PCDHGA12: variants seen among roughly 807,000 people sequenced by gnomAD.
PCDHGA12 encodes the protein protocadherin gamma subfamily A, 12.
In PCDHGA12, 43 loss-of-function variants were observed where a neutral mutation model predicts 61.1. The ratio of observed to expected loss-of-function variants is 0.70; its 90% CI spans 0.55 to 0.91. PCDHGA12 has a LOEUF of 0.91. PCDHGA12 is among the 40% of genes least tolerant of loss of function. PCDHGA12 has a pLI of 0.00. For missense variants in PCDHGA12, 1,236 were observed against 1,227.7 expected (o/e 1.01, Z -0.10); for synonymous variants, 520 against 542.9 (o/e 0.96, Z 0.59).
chr5:141,454,898 C>T (rs1426884791), intron 1 of PCDHGA12, among the ~76,000 whole-genome samples: 1 of 147,834 alleles, frequency 6.8e-6, no homozygotes, highest in Non-Finnish European at 1.5e-5. Flanking sequence ...AGCACCGCCT[C>T]CCGGGTTCAC....
At chr5:141,470,602 G>A (rs1004044883) in intron 1 of PCDHGA12, among the ~76,000 whole-genome samples, 1 of 152,268 alleles carries the variant, frequency 6.6e-6, no homozygotes, top group South Asian at 2.1e-4. Flanking sequence ...ACCTGTGCGG[G>A]GACACAGGGC....
intron 3 of PCDHGA12, chr5:141,507,089 C>T (rs564539147): frequency 2.0e-5 from 3 of 152,298 alleles, no homozygotes; most frequent in Admixed American, 1.3e-4. Context: ...TAAGTTTATG[C>T]TCTTTCTACT....
intron 2 of PCDHGA12, among the ~76,000 whole-genome samples, chr5:141,499,234 A>G (rs1294400331): frequency 6.6e-6 from 1 of 152,008 alleles, no homozygotes; most frequent in Non-Finnish European, 1.5e-5. Flanking sequence ...AGCTGTCCCC[A>G]GCCTCTGCAC....
chr5:141,467,710 G>A (rs1284029664), intron 1 of PCDHGA12, among the ~76,000 whole-genome samples: 1 of 152,122 alleles, frequency 6.6e-6, no homozygotes, highest in Non-Finnish European at 1.5e-5. Context: ...TGCCCAGGCT[G>A]GAGTGTAGTG....
rs1196201183 is a variant in PCDHGA12, at chr5:141,490,944, G to A, written c.2425-3863G>A. ...ATGCCCCAGCTGTGCTGCACCCACG[G>A]CCAGACTGGGAACACTCAGCCCCCC... On this transcript the variant is annotated intron_variant, in intron 1 of 3. Transcript: ENST00000252085. This position sits in a 1 kb window ranked among gnomAD's most constrained non-coding sequence, Gnocchi z 5.4. 6.2e-7 allele frequency: 1 copy of A among 1,613,488 alleles called. No individual in the cohort carries two copies. The highest frequency in any genetic ancestry group is 1.3e-5 in the African/African-American group (1 of 74,906).
At chr5:141,467,767 C>T (rs72790060) in intron 1 of PCDHGA12, among the ~76,000 whole-genome samples, 25,555 of 151,632 alleles carry the variant, frequency 0.17, 2,195 homozygotes, top group South Asian at 0.22. Context: ...GCTCAAGTGC[C>T]CGCACCTCAG....
chr5:141,486,284 C>G lies in PCDHGA12; in HGVS notation c.2425-8523C>G, dbSNP rs1259853159. ...TGCAGAACCTGGCACTGTGGTGGCA[C>G]TTATCAGTGTGCAGGATCCAGACTC... On this transcript the variant is annotated intron_variant, in intron 1 of 3. Transcript: ENST00000252085. This position sits in a 1 kb window ranked among gnomAD's most constrained non-coding sequence, Gnocchi z 5.0. The G allele has an allele frequency of 6.2e-7, 1 of 1,614,050 alleles. No homozygotes were observed. The highest frequency in any genetic ancestry group is 8.5e-7 in the Non-Finnish European group (1 of 1,179,988).
At chr5:141,499,828 A>G (rs921957227) in intron 2 of PCDHGA12, among the ~76,000 whole-genome samples, 1 of 151,834 alleles carries the variant, frequency 6.6e-6, no homozygotes, top group Non-Finnish European at 1.5e-5. Context: ...CTAGGATTAC[A>G]GGTGTGCACC....
intron 1 of PCDHGA12, among the ~76,000 whole-genome samples, chr5:141,434,571 T>C (rs2154556263): frequency 6.6e-6 from 1 of 152,374 alleles, no homozygotes; most frequent in South Asian, 2.1e-4. Flanking sequence ...GACATGCCCC[T>C]GCTGCAGATA....
rs181397365 is a variant in PCDHGA12, at chr5:141,481,810, G to A, written c.2425-12997G>A. Among the ~76,000 whole-genome samples, 99 of 151,944 alleles carry A rather than the reference G, an allele frequency of 6.5e-4. 1 individual carries two copies. The highest frequency in any genetic ancestry group is 2.4e-3 in the African/African-American group (98 of 41,418). On this transcript the variant is annotated intron_variant, in intron 1 of 3. Transcript: ENST00000252085. ...CTACTAAAAATACAAAAATTCACCA[G>A]GCGTGGTGGCTGAGGCAGGAGAATC...
chr5:141,462,781 G>A (rs893647456), intron 1 of PCDHGA12, among the ~76,000 whole-genome samples: 7 of 152,102 alleles, frequency 4.6e-5, no homozygotes, highest in African/African-American at 1.7e-4. Context: ...GTCATAATTT[G>A]TTGCTTATTT....
intron 1 of PCDHGA12, among the ~76,000 whole-genome samples, chr5:141,456,023 G>A (rs937523861): frequency 1.3e-5 from 2 of 151,586 alleles, no homozygotes; most frequent in South Asian, 2.1e-4. Context: ...TCAGCCTCCC[G>A]AGTAGCTGGG....
intron 1 of PCDHGA12, among the ~76,000 whole-genome samples, chr5:141,463,239 C>G (rs1012919667): frequency 1.3e-5 from 2 of 151,950 alleles, no homozygotes; most frequent in African/African-American, 4.8e-5. Context: ...CTTTGTGTAG[C>G]TCCATTCTCT....
chr5:141,431,036 G>A lies in PCDHGA12; in HGVS notation c.277G>A (p.Glu93Lys). The A allele has an allele frequency of 6.2e-7, 1 of 1,614,204 alleles. No individual in the cohort carries two copies. Among genetic ancestry groups the A allele is most frequent in the Non-Finnish European group, 8.5e-7 (1 of 1,180,034 alleles). ...GGTCACGGCGGGCAGGATAGACCGG[G>A]AGGAGCTCTGTATGGGGGCCATCAA... ...SLVTAGRIDREELCMGAIKCQ... is the reference protein window; with the variant it reads ...SLVTAGRIDRKELCMGAIKCQ... The change falls in exon 1 of 4, where the codon GAG becomes AAG. Residue 93 changes from glutamate (E) to lysine (K), a missense_variant. Glu to Lys is a moderately conservative substitution (Grantham distance 56). Coordinates refer to ENST00000252085, the MANE Select transcript of PCDHGA12 (RefSeq NM_003735.3). This position sits in a 1 kb window ranked among gnomAD's most constrained non-coding sequence, Gnocchi z 4.8.
At chr5:141,457,356 C>G (rs2098917888) in intron 1 of PCDHGA12, among the ~76,000 whole-genome samples, 1 of 152,170 alleles carries the variant, frequency 6.6e-6, no homozygotes, top group South Asian at 2.1e-4. Context: ...TTACCTGGCA[C>G]AATTTGCAAA....
At chr5:141,464,264 A>G (rs1357786078) in intron 1 of PCDHGA12, among the ~76,000 whole-genome samples, 2 of 130,598 alleles carry the variant, frequency 1.5e-5, no homozygotes, top group East Asian at 4.2e-4. Flanking sequence ...GACTCCGTCT[A>G]AAAAAAAAAA....
chr5:141,485,674 T>C lies in PCDHGA12; in HGVS notation c.2425-9133T>C. 1 of 1,612,986 alleles carries C rather than the reference T, an allele frequency of 6.2e-7. No homozygotes were observed. Among genetic ancestry groups the C allele is most frequent in the South Asian group, 1.1e-5 (1 of 91,072 alleles). Reference sequence around the variant, plus strand: ...ATGCAGATGTGGGGAGCAATTCGATTAGCAGCTATAGGCTGAGCTCCAATG... The same window carrying C: ...ATGCAGATGTGGGGAGCAATTCGATCAGCAGCTATAGGCTGAGCTCCAATG... On this transcript the variant is annotated intron_variant, in intron 1 of 3. Transcript: ENST00000252085. This position sits in a 1 kb window ranked among gnomAD's most constrained non-coding sequence, Gnocchi z 5.7.
rs1382764259 is a variant in PCDHGA12 at position 141,478,383 on chromosome 5, T to G, written c.2425-16424T>G. 2.5e-6 allele frequency: 4 copies of G among 1,613,630 alleles called. No individual in the cohort carries two copies. In the Admixed American group the frequency reaches 6.7e-5, roughly 27 times the overall value. Reference sequence around the variant, plus strand: ...CGGGGAGGCCTGATGTCGCCGCACCTTTACCATCAGGTGTATCTCACCACG... The same window carrying G: ...CGGGGAGGCCTGATGTCGCCGCACCGTTACCATCAGGTGTATCTCACCACG... On this transcript the variant is annotated intron_variant, in intron 1 of 3. Coordinates refer to ENST00000252085, the MANE Select transcript of PCDHGA12 (RefSeq NM_003735.3).
Position 141,438,239 on chromosome 5 carries a change from A to C in PCDHGA12, c.2424+5056A>C, listed in dbSNP as rs550172792. Among the ~76,000 whole-genome samples, 9 of 152,298 alleles carry C rather than the reference A, an allele frequency of 5.9e-5. No homozygotes were observed. In the East Asian group the frequency reaches 1.7e-3, roughly 29 times the overall value. On this transcript the variant is annotated intron_variant, in intron 1 of 3. Transcript: ENST00000252085. ...GCTCTGGTTCAGGAAAATGTTTTTA[A>C]AAAACTGTCATTGAAGAGACCATAG...
Sources: gnomAD v4.1 joint callset for allele counts (sites outside exome capture counted in the v4.1 genomes callset) on GRCh38, gnomAD v4.1.1 for gene constraint, Gnocchi (gnomAD v3.1) non-coding constraint, MANE v1.5 for transcripts, NCBI Gene and HGNC (gene_info 2026-07-23, HGNC 2026-07-21) for gene names.